The following SLIT2 variants were observed in gnomAD, a reference collection of about 807,000 sequenced individuals.
The protein encoded by SLIT2 is slit guidance ligand 2.
In SLIT2, 41 loss-of-function variants were observed where a neutral mutation model predicts 185.7. The ratio of observed to expected loss-of-function variants is 0.22; its 90% CI spans 0.17 to 0.29. The LOEUF is 0.29. SLIT2 is among the 10% of genes least tolerant of loss of function. The probability of loss-of-function intolerance (pLI) is 1.00; values close to 1 mark genes in which losing one functional copy is unlikely to be tolerated. For missense variants in SLIT2, 1,571 were observed against 1,909.0 expected, an observed-to-expected ratio of 0.82 and a Z score of 3.30; for synonymous variants, 693 against 680.2, an observed-to-expected ratio of 1.02 and a Z score of -0.29.
intron 4 of SLIT2, among the ~76,000 whole-genome samples, chr4:20,467,302 A>G (rs1195789271): frequency 6.6e-6 from 1 of 152,078 alleles, no homozygotes; most frequent in Non-Finnish European, 1.5e-5. Context: ...AGGTTTTATC[A>G]GTTTTTACCC....
chr4:20,511,044 C>T (rs373617797), intron 10 of SLIT2, 22 bp from the exon 11 acceptor site: 24 of 1,499,852 alleles, frequency 1.6e-5, no homozygotes, highest in African/African-American at 2.8e-5. Flanking sequence ...TGAATGTAAC[C>T]TAACCCTATT....
chr4:20,477,588 A>G (rs564562446), intron 5 of SLIT2, among the ~76,000 whole-genome samples: 1 of 152,312 alleles, frequency 6.6e-6, no homozygotes, highest in Non-Finnish European at 1.5e-5. Context: ...GCAAAGGATC[A>G]CATAGAGAGG....
intron 4 of SLIT2, among the ~76,000 whole-genome samples, chr4:20,314,622 A>T (rs1718408538): frequency 6.6e-6 from 1 of 152,182 alleles, no homozygotes; most frequent in Non-Finnish European, 1.5e-5. Context: ...GGCTCACAAT[A>T]TATTCATATT....
intron 4 of SLIT2, among the ~76,000 whole-genome samples, chr4:20,371,697 C>T (rs1394003753): frequency 6.6e-6 from 1 of 152,004 alleles, no homozygotes; most frequent in African/African-American, 2.4e-5. Context: ...CTGTGATCAT[C>T]ACTGATAACC....
rs1418883499 is a variant in SLIT2, at chr4:20,519,485, C to T, written c.1130+32C>T. 2.3e-6 allele frequency: 3 copies of T among 1,290,362 alleles called. No individual in the cohort carries two copies. In the South Asian group the frequency reaches 3.7e-5, roughly 16 times the overall value. 79.9% of individuals were successfully genotyped at this position (1,290,362 alleles called of 1,614,324 possible). On this transcript the variant is annotated intron_variant, in intron 12 of 36. Transcript: ENST00000504154. ...ATTTGATTGTTTTGGATCTCTCGAG[C>T]CTAATAATATATATTAGCCATTTTG...
intron 4 of SLIT2, among the ~76,000 whole-genome samples, chr4:20,363,538 G>A (rs540817245): frequency 6.6e-6 from 1 of 152,142 alleles, no homozygotes; most frequent in African/African-American, 2.4e-5. Flanking sequence ...TTACAACACA[G>A]CAATGTATTT....
intron 4 of SLIT2, among the ~76,000 whole-genome samples, chr4:20,300,027 A>G (rs1046110002): frequency 6.6e-6 from 1 of 152,170 alleles, no homozygotes; most frequent in African/African-American, 2.4e-5. Flanking sequence ...AGATCAATGT[A>G]GAATATATGG....
At chr4:20,479,123 GT>G (rs1442193125) in intron 5 of SLIT2, among the ~76,000 whole-genome samples, 2 of 152,148 alleles carry the variant, frequency 1.3e-5, no homozygotes, top group African/African-American at 4.8e-5. Flanking sequence ...GTGCACCTTT[GT>G]TAATAGTGCA....
At chr4:20,285,349 AG>A (rs1201183537) in intron 4 of SLIT2, among the ~76,000 whole-genome samples, 2 of 152,182 alleles carry the variant, frequency 1.3e-5, no homozygotes, top group African/African-American at 4.8e-5. Context: ...GCTTGCATCC[AG>A]GAAGTGTGCT....
At chr4:20,337,064 C>T (rs938649267) in intron 4 of SLIT2, among the ~76,000 whole-genome samples, 1 of 152,122 alleles carries the variant, frequency 6.6e-6, no homozygotes, top group African/African-American at 2.4e-5. Flanking sequence ...TTTTAGTAAA[C>T]TACTGCAATA....
At chr4:20,258,532 A>G (rs796545739) in intron 3 of SLIT2, among the ~76,000 whole-genome samples, 2 of 151,814 alleles carry the variant, frequency 1.3e-5, no homozygotes, top group African/African-American at 4.8e-5. Flanking sequence ...GAACTGTGTT[A>G]TCAAATTGTG....
chr4:20,411,636 A>G (rs61789425), intron 4 of SLIT2, among the ~76,000 whole-genome samples: 11,644 of 152,242 alleles, frequency 0.076, 602 homozygotes, highest in South Asian at 0.17. Context: ...TCACTTACAT[A>G]TTAGTCTGTG....
At chr4:20,297,569 TC>T (rs1301213918) in intron 4 of SLIT2, among the ~76,000 whole-genome samples, 2 of 152,156 alleles carry the variant, frequency 1.3e-5, no homozygotes, top group Non-Finnish European at 2.9e-5. Context: ...ATTTTTTGAT[TC>T]CCCAGGCAAA....
chr4:20,548,825 C>T (rs539369310), intron 23 of SLIT2, among the ~76,000 whole-genome samples: 11 of 152,090 alleles, frequency 7.2e-5, no homozygotes, highest in African/African-American at 1.7e-4. Context: ...AGGGAAGGGA[C>T]GGCTGACGCA....
At chr4:20,429,619 GA>G (rs1178278171) in intron 4 of SLIT2, among the ~76,000 whole-genome samples, 1 of 152,178 alleles carries the variant, frequency 6.6e-6, no homozygotes, top group African/African-American at 2.4e-5. Flanking sequence ...GATGGAGTGG[GA>G]AAAGGGGAGA....
chr4:20,446,644 G>A (rs1711835379), intron 4 of SLIT2, among the ~76,000 whole-genome samples: 1 of 152,162 alleles, frequency 6.6e-6, no homozygotes, highest in Non-Finnish European at 1.5e-5. Context: ...AAGAAAATAT[G>A]CATCACTGAA....
At chr4:20,310,058 G>A (rs991174025) in intron 4 of SLIT2, among the ~76,000 whole-genome samples, 1 of 152,066 alleles carries the variant, frequency 6.6e-6, no homozygotes, top group Non-Finnish European at 1.5e-5. Context: ...ACCGCGTCCG[G>A]CCCCTCTAGT....
chr4:20,361,680 G>A (rs1722754475), intron 4 of SLIT2, among the ~76,000 whole-genome samples: 3 of 151,902 alleles, frequency 2.0e-5, no homozygotes, highest in Admixed American at 2.0e-4. Flanking sequence ...ACATTAAAAT[G>A]GCATATTGAA....
chr4:20,302,094 C>T (rs183882198), intron 4 of SLIT2, among the ~76,000 whole-genome samples: 42 of 152,210 alleles, frequency 2.8e-4, no homozygotes, highest in South Asian at 6.2e-4. Context: ...ACTAGAGAAA[C>T]GAAGATTAAT....
Sources: gnomAD v4.1 joint callset for allele counts (sites outside exome capture counted in the v4.1 genomes callset) on GRCh38, gnomAD v4.1.1 for gene constraint, MANE v1.5 for transcripts, NCBI Gene and HGNC (gene_info 2026-07-23, HGNC 2026-07-21) for gene names.